UBE2D3: variants seen among roughly 807,000 people sequenced by gnomAD.
The protein encoded by UBE2D3 is ubiquitin conjugating enzyme E2 D3, also known as ubiquitin-conjugating enzyme E2 D3.
In UBE2D3, 2 loss-of-function variants were observed where a neutral mutation model predicts 22.8. That is an observed-to-expected ratio of 0.09 (90% CI 0.04 to 0.28). UBE2D3 has a LOEUF of 0.28. UBE2D3 is among the 10% of genes least tolerant of loss of function. The pLI is 1.00. For synonymous variants in UBE2D3, 56 were observed against 60.4 expected, an observed-to-expected ratio of 0.93 and a Z score of 0.34; for missense variants, 27 against 182.5, an observed-to-expected ratio of 0.15 and a Z score of 4.91.
intron 2 of UBE2D3, among the ~76,000 whole-genome samples, chr4:102,820,437 G>C (rs933805684): frequency 6.6e-6 from 1 of 152,066 alleles, no homozygotes; most frequent in African/African-American, 2.4e-5. Flanking sequence ...TTTATCTTAA[G>C]GTTTAACAGT....
At chr4:102,801,727 T>C (rs573392562) in intron 5 of UBE2D3, 168 bp from the exon 6 acceptor site, 8 of 529,480 alleles carry the variant, frequency 1.5e-5, no homozygotes, top group African/African-American at 7.9e-5. Context: ...CTGCCTCCTC[T>C]TTTTACAACA....
At chr4:102,828,341 C>T (rs1340798227), upstream of UBE2D3, among the ~76,000 whole-genome samples, 2 of 152,060 alleles carry the variant, frequency 1.3e-5, no homozygotes, top group African/African-American at 2.4e-5. Flanking sequence ...ACTCGCCTGC[C>T]CTCCTGGGCT....
Position 102,827,502 on chromosome 4 carries a change from C to T in UBE2D3, c.-204G>A, listed in dbSNP as rs1409030352. 2.0e-6 allele frequency: 2 copies of T among 986,150 alleles called. No individual in the cohort carries two copies. The highest frequency in any genetic ancestry group is 1.1e-4 in the East Asian group (1 of 8,804). 61.1% of individuals were successfully genotyped at this position (986,150 alleles called of 1,614,324 possible). On this transcript the variant is annotated 5_prime_UTR_variant, in exon 1 of 8. Coordinates refer to ENST00000453744, the MANE Select transcript of UBE2D3 (RefSeq NM_181891.3). ...GGCAGCTGGTGCCTCCCCGGCCCTA[C>T]GGGGCTCACGCGCACGACACAGCCA...
At chr4:102,827,659 G>A (rs1366483277), upstream of UBE2D3, 15 of 986,186 alleles carry the variant, frequency 1.5e-5, no homozygotes, top group African/African-American at 3.5e-5. Context: ...TGAGGCCGAA[G>A]CCAGACGGCT....
chr4:102,804,285 C>T (rs984705510), intron 4 of UBE2D3, among the ~76,000 whole-genome samples: 19 of 152,136 alleles, frequency 1.2e-4, no homozygotes, highest in African/African-American at 4.6e-4. Context: ...GCTTCAGCTG[C>T]CTCAGTAGCT....
At chr4:102,836,334 A>T (rs1354165475) in intron 1 of UBE2D3, among the ~76,000 whole-genome samples, 1 of 151,472 alleles carries the variant, frequency 6.6e-6, no homozygotes, top group Non-Finnish European at 1.5e-5. Context: ...TTTAGTAGAG[A>T]CGGGGTTTCA....
intron 1 of UBE2D3, among the ~76,000 whole-genome samples, chr4:102,865,875 T>C (rs1733124325): frequency 6.6e-6 from 1 of 152,196 alleles, no homozygotes; most frequent in Admixed American, 6.5e-5. Flanking sequence ...ATGACTCCTT[T>C]AACTGTATTT....
At chr4:102,834,501 C>G (rs1731286242) in intron 1 of UBE2D3, among the ~76,000 whole-genome samples, 1 of 152,086 alleles carries the variant, frequency 6.6e-6, no homozygotes, top group Non-Finnish European at 1.5e-5. Flanking sequence ...GTAATCCCAG[C>G]ACTTTGGGAG....
chr4:102,809,752 A>G, intron 3 of UBE2D3, 40 bp downstream of exon 3: 1 of 1,613,358 alleles, frequency 6.2e-7, no homozygotes, highest in South Asian at 1.1e-5. Flanking sequence ...ACAAGCTTAA[A>G]AAAAAATTAG....
chr4:102,824,609 T>C (rs928000411), intron 2 of UBE2D3, among the ~76,000 whole-genome samples: 35 of 152,238 alleles, frequency 2.3e-4, no homozygotes, highest in Non-Finnish European at 3.7e-4. Flanking sequence ...ACCACTGTTA[T>C]ATTGTCTCTC....
chr4:102,856,398 A>G (rs1732621252), intron 1 of UBE2D3, among the ~76,000 whole-genome samples: 1 of 152,308 alleles, frequency 6.6e-6, no homozygotes, highest in African/African-American at 2.4e-5. Context: ...TAAAAAATAA[A>G]GAACATCATA....
intron 1 of UBE2D3, among the ~76,000 whole-genome samples, chr4:102,854,371 G>A (rs925694713): frequency 6.6e-6 from 1 of 151,724 alleles, no homozygotes; most frequent in African/African-American, 2.4e-5. Flanking sequence ...AATTTTTACT[G>A]ATTTTCTGCC....
Position 102,853,135 on chromosome 4 carries a change from AT to A in UBE2D3, c.-129+15579del, listed in dbSNP as rs151339235. Among the ~76,000 whole-genome samples, 374 of 88,558 alleles carry A rather than the reference AT, an allele frequency of 4.2e-3. 5 individuals carry two copies. Among genetic ancestry groups the A allele is most frequent in the East Asian group, 7.5e-3 (22 of 2,928 alleles). The allele number at this position is 88,558 out of a possible 152,430, so 58.1% of individuals were successfully genotyped here. A position where few individuals can be genotyped will look rare whatever the true frequency, so the allele number is the denominator to read the frequency against. On this transcript the variant is annotated intron_variant, in intron 1 of 7. Transcript: ENST00000338145. ...GTCAAAATTACACACAAACACACAC[AT>A]TTTTTTTTTTTTTTTTTTTTTTTTG...
chr4:102,822,321 A>C (rs1477765893), intron 2 of UBE2D3, among the ~76,000 whole-genome samples: 2 of 152,196 alleles, frequency 1.3e-5, no homozygotes, highest in African/African-American at 4.8e-5. Context: ...GGCTATCAAC[A>C]AGCTTTGAGG....
intron 4 of UBE2D3, among the ~76,000 whole-genome samples, chr4:102,804,176 G>A (rs1034645020): frequency 2.6e-5 from 4 of 152,008 alleles, no homozygotes; most frequent in African/African-American, 4.8e-5. Flanking sequence ...CAAACAAGAC[G>A]CAGAATATCA....
upstream of UBE2D3, chr4:102,827,843 C>T: frequency 1.0e-6 from 1 of 985,748 alleles, no homozygotes; most frequent in Non-Finnish European, 1.2e-6. Flanking sequence ...CTCAGAGAAG[C>T]ATCGAGAACC....
At chr4:102,844,898 T>C (rs1263117621) in intron 1 of UBE2D3, among the ~76,000 whole-genome samples, 1 of 151,668 alleles carries the variant, frequency 6.6e-6, no homozygotes, top group Non-Finnish European at 1.5e-5. Flanking sequence ...GGTGGGCGCC[T>C]GTAGTCCCAG....
chr4:102,851,933 G>A (rs1178936313), intron 1 of UBE2D3, among the ~76,000 whole-genome samples: 1 of 152,078 alleles, frequency 6.6e-6, no homozygotes, highest in Non-Finnish European at 1.5e-5. Flanking sequence ...GCCTCCCAAA[G>A]TGCTGGGATT....
intron 1 of UBE2D3, among the ~76,000 whole-genome samples, chr4:102,859,851 G>GT (rs61150781): frequency 0.034 from 4,851 of 143,014 alleles, 125 homozygotes; most frequent in African/African-American, 0.059. Flanking sequence ...AATTTGATTT[G>GT]TTTTTTTTTT....
Sources: allele counts gnomAD v4.1 joint callset (sites outside exome capture counted in the v4.1 genomes callset), GRCh38; gene constraint gnomAD v4.1.1; transcripts MANE v1.5; gene names NCBI Gene and HGNC (gene_info 2026-07-23, HGNC 2026-07-21).